The following RORB variants were observed in gnomAD, a reference collection of about 807,000 sequenced individuals.
RORB encodes the protein nuclear receptor ROR-beta.
In RORB, 6 loss-of-function variants were observed where a neutral mutation model predicts 59.1. That is an observed-to-expected ratio of 0.10 (90% confidence interval 0.06 to 0.20). The LOEUF is 0.20. Ranked by LOEUF, RORB falls within the 10% of genes least tolerant of loss-of-function variation. The pLI is 1.00. For missense variants in RORB, 320 were observed against 560.5 expected, an observed-to-expected ratio of 0.57 and a Z score of 4.33; for synonymous variants, 215 against 204.5, an observed-to-expected ratio of 1.05 and a Z score of -0.44.
At chr9:74,512,755 G>GT (rs1277493054) in intron 1 of RORB, among the ~76,000 whole-genome samples, 1 of 152,092 alleles carries the variant, frequency 6.6e-6, no homozygotes, top group Non-Finnish European at 1.5e-5. Context: ...AGGATCCTCA[G>GT]TTTTTTTGTG....
At chr9:74,622,139 G>C (rs1823430826) in intron 1 of RORB, among the ~76,000 whole-genome samples, 1 of 152,000 alleles carries the variant, frequency 6.6e-6, no homozygotes, top group African/African-American at 2.4e-5. Flanking sequence ...TCTGGGACCT[G>C]GTTTTGTGGT....
At chr9:74,548,648 G>A (rs1048619010) in intron 1 of RORB, among the ~76,000 whole-genome samples, 1 of 152,070 alleles carries the variant, frequency 6.6e-6, no homozygotes, top group African/African-American at 2.4e-5. Flanking sequence ...AGAGTGGCTC[G>A]GTGCAGCTAC....
intron 6 of RORB, among the ~76,000 whole-genome samples, chr9:74,663,371 T>C (rs1824220537): frequency 6.6e-6 from 1 of 152,188 alleles, no homozygotes; most frequent in South Asian, 2.1e-4. Flanking sequence ...ATTTCCATCT[T>C]ACAGAGGAGG....
chr9:74,549,019 T>C (rs1826547083), intron 1 of RORB, among the ~76,000 whole-genome samples: 1 of 152,224 alleles, frequency 6.6e-6, no homozygotes, highest in South Asian at 2.1e-4. Context: ...ATCCTTTATT[T>C]AAATCTTTGA....
At chr9:74,581,328 T>C (rs1482224344) in intron 1 of RORB, among the ~76,000 whole-genome samples, 1 of 152,122 alleles carries the variant, frequency 6.6e-6, no homozygotes, top group East Asian at 1.9e-4. Context: ...AAACAAACAT[T>C]CTCCATGTGC....
chr9:74,564,453 T>C (rs554901935), intron 1 of RORB, among the ~76,000 whole-genome samples: 19 of 152,330 alleles, frequency 1.2e-4, no homozygotes, highest in African/African-American at 4.6e-4. Flanking sequence ...TTGCATCTAC[T>C]TCCTTGTGAG....
intron 6 of RORB, among the ~76,000 whole-genome samples, chr9:74,664,235 A>G (rs1371867046): frequency 6.6e-6 from 1 of 152,224 alleles, no homozygotes; most frequent in Non-Finnish European, 1.5e-5. Flanking sequence ...GATTATTGAC[A>G]GTTCAGAGAC....
At chr9:74,611,793 A>G (rs1823235815) in intron 1 of RORB, among the ~76,000 whole-genome samples, 1 of 152,054 alleles carries the variant, frequency 6.6e-6, no homozygotes, top group African/African-American at 2.4e-5. Flanking sequence ...GATTATAGGC[A>G]CCCACCACCC....
At chr9:74,573,578 G>A (rs575776513) in intron 1 of RORB, among the ~76,000 whole-genome samples, 1 of 151,676 alleles carries the variant, frequency 6.6e-6, no homozygotes, top group South Asian at 2.1e-4. Context: ...AATTCAATTA[G>A]CAGGGGCTTG....
intron 1 of RORB, among the ~76,000 whole-genome samples, chr9:74,603,984 C>T (rs113802588): frequency 3.5e-4 from 54 of 152,310 alleles, no homozygotes; most frequent in African/African-American, 1.2e-3. Flanking sequence ...TTCCCTTCCA[C>T]GTGAACGGAT....
intron 4 of RORB, among the ~76,000 whole-genome samples, chr9:74,657,290 C>A (rs1824100372): frequency 6.6e-6 from 1 of 152,048 alleles, no homozygotes; most frequent in Non-Finnish European, 1.5e-5. Flanking sequence ...TGGTCTCGAT[C>A]TCCTGACCTC....
At chr9:74,678,622 A>T (rs1295773672) in intron 9 of RORB, among the ~76,000 whole-genome samples, 2 of 152,214 alleles carry the variant, frequency 1.3e-5, no homozygotes, top group Non-Finnish European at 2.9e-5. Context: ...AGTCATGTTG[A>T]TTTGTAGATG....
At chr9:74,534,590 G>T (rs779052923) in intron 1 of RORB, among the ~76,000 whole-genome samples, 1 of 151,944 alleles carries the variant, frequency 6.6e-6, no homozygotes, top group Non-Finnish European at 1.5e-5. Context: ...CTAATTAGCA[G>T]TCTGGAAAAA....
chr9:74,668,232 G>A (rs1381349686), intron 8 of RORB, among the ~76,000 whole-genome samples: 1 of 152,182 alleles, frequency 6.6e-6, no homozygotes, highest in Admixed American at 6.5e-5. Context: ...AAAGTACATA[G>A]AAAATAAATG....
chr9:74,518,101 G>A (rs1220861941), intron 1 of RORB, among the ~76,000 whole-genome samples: 1 of 151,954 alleles, frequency 6.6e-6, no homozygotes, highest in African/African-American at 2.4e-5. Flanking sequence ...GCTTCAAGCT[G>A]ACCTCCTCCT....
chr9:74,529,888 A>G (rs982619774), intron 1 of RORB, among the ~76,000 whole-genome samples: 1 of 151,950 alleles, frequency 6.6e-6, no homozygotes, highest in Non-Finnish European at 1.5e-5. Flanking sequence ...CAAACACCAC[A>G]TGTTCCCTAA....
chr9:74,631,678 G>A (rs1281310422), intron 2 of RORB, among the ~76,000 whole-genome samples: 1 of 152,138 alleles, frequency 6.6e-6, no homozygotes, highest in Non-Finnish European at 1.5e-5. Context: ...TGATATTAAC[G>A]TACTAACCTG....
chr9:74,627,608 A>G (rs904119546), intron 1 of RORB, among the ~76,000 whole-genome samples: 2 of 152,164 alleles, frequency 1.3e-5, no homozygotes, highest in African/African-American at 4.8e-5. Context: ...TTAAAGTTAG[A>G]TCATTTTATA....
At position 74,692,388 on chromosome 9, in the gene RORB, T is replaced by G. The variant is rs1264849999; in HGVS notation, c.*6770T>G. ...TATTTTTGAAATCCCTAACAATGCT[T>G]CCTTGCTTTTAGGATTGAGAGAAAT... On this transcript the variant is annotated 3_prime_UTR_variant, in exon 10 of 10. Coordinates refer to ENST00000376896, the MANE Select transcript of RORB (RefSeq NM_006914.4). 1 of 152,234 alleles carries G rather than the reference T, an allele frequency of 6.6e-6. No individual in the cohort carries two copies. Among genetic ancestry groups the G allele is most frequent in the East Asian group, 1.9e-4 (1 of 5,198 alleles). The allele number at this position is 152,234 out of a possible 1,614,324, so 9.4% of individuals were successfully genotyped here.
Sources: gnomAD v4.1 joint callset for allele counts (sites outside exome capture counted in the v4.1 genomes callset) on GRCh38, gnomAD v4.1.1 for gene constraint, MANE v1.5 for transcripts, NCBI Gene and HGNC (gene_info 2026-07-23, HGNC 2026-07-21) for gene names.